Variants in CREB3L2 observed in about 807,000 individuals in gnomAD.
CREB3L2 encodes cyclic AMP-responsive element-binding protein 3-like protein 2.
In CREB3L2, 23 loss-of-function variants were observed where a neutral mutation model predicts 57.2. That is an observed-to-expected ratio of 0.40 (90% CI 0.29 to 0.57). The LOEUF is 0.57. Among genes scored for constraint, CREB3L2 ranks in the 20% least tolerant of loss-of-function variants. The probability of loss-of-function intolerance (pLI) is 0.42; values close to 1 mark genes in which losing one functional copy is unlikely to be tolerated. For synonymous variants in CREB3L2, 268 were observed against 265.1 expected, an observed-to-expected ratio of 1.01 and a Z score of -0.11; for missense variants, 628 against 634.7, an observed-to-expected ratio of 0.99 and a Z score of 0.11.
intron 2 of CREB3L2, among the ~76,000 whole-genome samples, chr7:137,920,152 C>G (rs937779575): frequency 6.6e-6 from 1 of 152,212 alleles, no homozygotes; most frequent in Admixed American, 6.5e-5. Flanking sequence ...CCATCCATGT[C>G]TTTTGCCTTA....
chr7:137,901,437 G>C lies in CREB3L2; in HGVS notation c.975-15C>G. On this transcript the variant is annotated splice_polypyrimidine_tract_variant and intron_variant, in intron 7 of 11. Transcript: ENST00000330387. ...AAGACTCCACTCTACAAAGGAGGGA[G>C]AAAGAAGAAAATTATTATCCATAGA... 1 of 1,565,926 alleles carries C rather than the reference G, an allele frequency of 6.4e-7. No homozygotes were observed. The highest frequency in any genetic ancestry group is 8.8e-7 in the Non-Finnish European group (1 of 1,136,966).
At chr7:137,900,476 C>T (rs374818198) in intron 8 of CREB3L2, among the ~76,000 whole-genome samples, 3 of 152,068 alleles carry the variant, frequency 2.0e-5, no homozygotes, top group Non-Finnish European at 4.4e-5. Flanking sequence ...AATAAACTAG[C>T]TAATTTTAAA....
intron 4 of CREB3L2, among the ~76,000 whole-genome samples, chr7:137,910,255 C>G (rs1315891665): frequency 6.6e-6 from 1 of 152,076 alleles, no homozygotes; most frequent in Admixed American, 6.6e-5. Flanking sequence ...CATTGCGATT[C>G]CCTGTCTCTC....
chr7:137,927,239 G>A (rs1800486620), intron 2 of CREB3L2, among the ~76,000 whole-genome samples: 1 of 139,184 alleles, frequency 7.2e-6, no homozygotes, highest in South Asian at 2.2e-4. Context: ...GGAAGGAAGG[G>A]AGGGAACGGA....
intron 1 of CREB3L2, chr7:137,953,608 G>T: frequency 1.0e-6 from 1 of 986,988 alleles, no homozygotes. Flanking sequence ...TTTCATCTCT[G>T]TTGGAAAGTC....
chr7:137,988,231 G>C (rs1001872756), intron 1 of CREB3L2, among the ~76,000 whole-genome samples: 2 of 152,258 alleles, frequency 1.3e-5, no homozygotes, highest in Admixed American at 1.3e-4. Context: ...GTGAAACAGA[G>C]AGCAAGGGCA....
intron 7 of CREB3L2, among the ~76,000 whole-genome samples, chr7:137,902,821 G>A (rs1799792395): frequency 6.7e-6 from 1 of 150,008 alleles, no homozygotes; most frequent in Admixed American, 6.6e-5. Flanking sequence ...GTTTGGTTTT[G>A]GCTTTGGTTT....
At chr7:137,944,929 G>A (rs1008987421) in intron 1 of CREB3L2, among the ~76,000 whole-genome samples, 1 of 151,836 alleles carries the variant, frequency 6.6e-6, no homozygotes, top group Non-Finnish European at 1.5e-5. Flanking sequence ...GTCTTGCTCT[G>A]TAGACCAGGC....
At chr7:137,909,648 C>T (rs1799964243) in intron 4 of CREB3L2, among the ~76,000 whole-genome samples, 1 of 152,204 alleles carries the variant, frequency 6.6e-6, no homozygotes, top group Non-Finnish European at 1.5e-5. Context: ...CTCAGCACAT[C>T]ACCTCCTTGT....
intron 1 of CREB3L2, among the ~76,000 whole-genome samples, chr7:137,940,514 T>C (rs1563260505): frequency 6.6e-6 from 1 of 152,122 alleles, no homozygotes. Context: ...AAATGGCACA[T>C]GAAATCAAAG....
chr7:137,996,369 C>A (rs1420220257), intron 1 of CREB3L2, among the ~76,000 whole-genome samples: 2 of 152,190 alleles, frequency 1.3e-5, no homozygotes. Context: ...TTGAAAGGTG[C>A]CACAAGGGTC....
rs928034212 is a variant in CREB3L2 at position 137,879,721 on chromosome 7, G to A, written c.*755C>T. The stretch of plus-strand genomic sequence containing the variant: ...ATCTCTTCAGTGTGGTTGCTAGCAG[G>A]AAGCCTCGGCAAGCTAATAAATACT... On this transcript the variant is annotated 3_prime_UTR_variant, in exon 12 of 12. Coordinates refer to ENST00000330387, the MANE Select transcript of CREB3L2 (RefSeq NM_194071.4). The A allele has an allele frequency of 4.2e-5, 10 of 235,350 alleles. No homozygotes were observed. Among genetic ancestry groups the A allele is most frequent in the African/African-American group, 2.0e-4 (9 of 45,304 alleles). The allele number at this position is 235,350 out of a possible 1,614,324, so 14.6% of individuals were successfully genotyped here.
intron 7 of CREB3L2, among the ~76,000 whole-genome samples, chr7:137,902,240 T>TA (rs201862217): frequency 0.018 from 2,525 of 139,706 alleles, 35 homozygotes; most frequent in Non-Finnish European, 0.026. Flanking sequence ...AGTGCCTGAA[T>TA]AATGAAAGAT....
chr7:137,964,246 A>G (rs1438936095), intron 1 of CREB3L2, among the ~76,000 whole-genome samples: 1 of 152,088 alleles, frequency 6.6e-6, no homozygotes, highest in Non-Finnish European at 1.5e-5. Flanking sequence ...AACCCAGGAG[A>G]TGGAGGTTGC....
intron 2 of CREB3L2, among the ~76,000 whole-genome samples, chr7:137,924,381 G>C (rs1800403647): frequency 6.6e-6 from 1 of 152,190 alleles, no homozygotes; most frequent in African/African-American, 2.4e-5. Context: ...CCCTCATCCA[G>C]CACTAGTTTC....
rs1408246809 is a variant in CREB3L2, at chr7:137,882,564, G to A, written c.1335C>T (p.Gly445=). 5.0e-6 allele frequency: 8 copies of A among 1,613,582 alleles called. No homozygotes were observed. Among genetic ancestry groups the A allele is most frequent in the Non-Finnish European group, 2.5e-6 (3 of 1,179,612 alleles). The change falls in exon 11 of 12, where the codon GGC becomes GGT. Residue 445 remains glycine (G), a synonymous_variant. Transcript: ENST00000330387. ...CCCAGCCCCCCAGCTCCCCAGCCGA[G>A]CCCGGGCTGGATGACTCCTCTGGGG... ...HSPPEESSSP[G]SAGELGGWDR...
In CREB3L2 at chr7:138,001,688, G is replaced by T; in HGVS notation, c.18C>A (p.Ser6Arg). 1 of 1,611,346 alleles carries T rather than the reference G, an allele frequency of 6.2e-7. No individual in the cohort carries two copies. The highest frequency in any genetic ancestry group is 8.5e-7 in the Non-Finnish European group (1 of 1,179,596). Residue 6 changes from serine to arginine, a missense_variant, in exon 1 of 12, where the codon AGC becomes AGA. Ser to Arg is a moderately radical substitution (Grantham distance 110). This residue lies in a region of CREB3L2 where 339 missense variants were observed against 355.4 expected (regional missense o/e 0.95). Coordinates refer to ENST00000330387, the MANE Select transcript of CREB3L2 (RefSeq NM_194071.4). The surrounding 1 kb of genome is among the most constrained non-coding windows in gnomAD (Gnocchi z 4.2). ...CCCACTGCAGCACGCCCTGCTCCCC[G>T]CTCTCCAGCACCTCCATGGCGGTGC... MEVLE[S>R]GEQGVLQWDR...
chr7:137,898,562 T>C (rs1318755208), intron 8 of CREB3L2, among the ~76,000 whole-genome samples: 3 of 152,236 alleles, frequency 2.0e-5, no homozygotes, highest in Non-Finnish European at 4.4e-5. Context: ...CCCTAATGTA[T>C]TGATCTCTCT....
intron 1 of CREB3L2, among the ~76,000 whole-genome samples, chr7:137,952,808 T>C (rs1283232627): frequency 3.9e-5 from 6 of 152,106 alleles, no homozygotes; most frequent in African/African-American, 1.2e-4. Flanking sequence ...AGAATAATTG[T>C]TTTTGTTTTT....
Sources: gnomAD v4.1 joint callset for allele counts (sites outside exome capture counted in the v4.1 genomes callset) on GRCh38, gnomAD v4.1.1 for gene constraint, gnomAD v4.1.1 regional missense constraint, Gnocchi (gnomAD v3.1) non-coding constraint, MANE v1.5 for transcripts, NCBI Gene and HGNC (gene_info 2026-07-23, HGNC 2026-07-21) for gene names.